Variants in NLGN1 observed in about 807,000 individuals in gnomAD.
The protein encoded by NLGN1 is neuroligin 1.
NLGN1 carries 12 observed loss-of-function variants against 65.5 expected under a neutral mutation model. That is an observed-to-expected ratio of 0.18 (90% CI 0.12 to 0.30). The LOEUF (loss-of-function observed/expected upper bound fraction) is 0.30. Among genes scored for constraint, NLGN1 ranks in the 10% least tolerant of loss-of-function variants. The pLI, the probability that NLGN1 is intolerant of heterozygous loss-of-function variation, is 1.00. For synonymous variants in NLGN1, 350 were observed against 359.5 expected (o/e 0.97, Z 0.30); for missense variants, 750 against 1,007.1 (o/e 0.74, Z 3.46).
intron 4 of NLGN1, among the ~76,000 whole-genome samples, chr3:174,268,207 A>G (rs1748650872): frequency 6.6e-6 from 1 of 152,132 alleles, no homozygotes; most frequent in Non-Finnish European, 1.5e-5. Flanking sequence ...TTGATTCAAA[A>G]GGCCTTTTAG....
Position 174,202,143 on chromosome 3 carries a change from G to A in NLGN1, c.647-73172G>A, listed in dbSNP as rs941392639. ...TCATCTTATCCCTCTCCGTTGAAAT[G>A]TGTTTTCTGTGCACAGTACTATGGT... On this transcript the variant is annotated intron_variant, in intron 4 of 6. Transcript: ENST00000457714. Among the ~76,000 whole-genome samples the A allele has an allele frequency of 9.2e-5, 14 of 151,962 alleles. No individual in the cohort carries two copies. In the East Asian group the frequency reaches 2.5e-3, roughly 27 times the overall value.
At chr3:173,657,202 G>T (rs2149674496) in intron 3 of NLGN1, among the ~76,000 whole-genome samples, 1 of 151,924 alleles carries the variant, frequency 6.6e-6, no homozygotes, top group South Asian at 2.1e-4. Context: ...TTAAATTCTG[G>T]GTCTCAGGGA....
At chr3:173,737,961 T>A in intron 3 of NLGN1, among the ~76,000 whole-genome samples, 1 of 152,128 alleles carries the variant, frequency 6.6e-6, no homozygotes, top group East Asian at 1.9e-4. Flanking sequence ...GAATGTGAAA[T>A]CATATCTCAT....
chr3:174,055,793 C>T (rs1735928443), intron 4 of NLGN1, among the ~76,000 whole-genome samples: 1 of 151,988 alleles, frequency 6.6e-6, no homozygotes, highest in Admixed American at 6.6e-5. Flanking sequence ...ATTACAAGCA[C>T]TCAATAATTG....
At chr3:173,853,196 G>A (rs908979151) in intron 4 of NLGN1, among the ~76,000 whole-genome samples, 1 of 152,158 alleles carries the variant, frequency 6.6e-6, no homozygotes, top group Non-Finnish European at 1.5e-5. Flanking sequence ...AGCACAGACA[G>A]GATAATGACA....
intron 4 of NLGN1, among the ~76,000 whole-genome samples, chr3:174,081,082 C>A (rs757126329): frequency 2.0e-5 from 3 of 151,978 alleles, no homozygotes; most frequent in Non-Finnish European, 2.9e-5. Flanking sequence ...ACTTAAAGAT[C>A]ATGTTCATCA....
intron 4 of NLGN1, among the ~76,000 whole-genome samples, chr3:174,210,400 A>G (rs542567213): frequency 6.6e-6 from 1 of 152,344 alleles, no homozygotes; most frequent in South Asian, 2.1e-4. Flanking sequence ...TATACAACAA[A>G]TATTTGTTGA....
intron 2 of NLGN1, among the ~76,000 whole-genome samples, chr3:173,539,592 TATATA>T (rs1347264718): frequency 2.2e-4 from 30 of 135,998 alleles, no homozygotes; most frequent in Middle Eastern, 4.0e-3. Flanking sequence ...TTATATATGT[TATATA>T]ATATATGTAT....
At chr3:173,492,350 A>T (rs925468144) in intron 2 of NLGN1, among the ~76,000 whole-genome samples, 1 of 151,742 alleles carries the variant, frequency 6.6e-6, no homozygotes, top group African/African-American at 2.4e-5. Context: ...TAAGCATTTC[A>T]TGTTTACCTT....
intron 2 of NLGN1, among the ~76,000 whole-genome samples, chr3:173,579,263 C>T (rs972697874): frequency 3.3e-5 from 5 of 152,130 alleles, no homozygotes; most frequent in East Asian, 1.9e-4. Context: ...TGCTTGGGCT[C>T]GGAAGTTCAA....
At chr3:173,465,940 A>G (rs1724269883) in intron 2 of NLGN1, among the ~76,000 whole-genome samples, 1 of 152,180 alleles carries the variant, frequency 6.6e-6, no homozygotes, top group Non-Finnish European at 1.5e-5. Context: ...TGAGTTGTTG[A>G]TACGGGAGCT....
intron 2 of NLGN1, among the ~76,000 whole-genome samples, chr3:173,460,074 A>C (rs553833875): frequency 6.6e-6 from 1 of 152,246 alleles, no homozygotes; most frequent in South Asian, 2.1e-4. Context: ...CATATTAATT[A>C]ACACATATTT....
intron 2 of NLGN1, among the ~76,000 whole-genome samples, chr3:173,561,412 C>T (rs1742707240): frequency 6.6e-6 from 1 of 152,108 alleles, no homozygotes; most frequent in African/African-American, 2.4e-5. Context: ...CTCGTAGCTT[C>T]CTAAATCCTA....
chr3:173,719,122 C>A (rs1770374206), intron 3 of NLGN1, among the ~76,000 whole-genome samples: 1 of 152,100 alleles, frequency 6.6e-6, no homozygotes, highest in Non-Finnish European at 1.5e-5. Flanking sequence ...CAGGCCCAGT[C>A]CCTTGCCACT....
intron 4 of NLGN1, among the ~76,000 whole-genome samples, chr3:173,851,726 G>C (rs1056538026): frequency 6.6e-6 from 1 of 151,998 alleles, no homozygotes. Context: ...TTAAAATTTT[G>C]ATCTAGTAAT....
chr3:173,463,127 T>C (rs1723686479), intron 2 of NLGN1, among the ~76,000 whole-genome samples: 1 of 152,192 alleles, frequency 6.6e-6, no homozygotes, highest in African/African-American at 2.4e-5. Context: ...GACTATGGGC[T>C]AGAGATCAGT....
chr3:173,924,310 G>C (rs1042286910), intron 4 of NLGN1, among the ~76,000 whole-genome samples: 16 of 151,980 alleles, frequency 1.1e-4, no homozygotes, highest in Admixed American at 1.1e-3. Flanking sequence ...ACCTGATAAA[G>C]GTCTCTCAAA....
At chr3:173,873,609 TTAG>T (rs1731590919) in intron 4 of NLGN1, among the ~76,000 whole-genome samples, 1 of 152,216 alleles carries the variant, frequency 6.6e-6, no homozygotes, top group Admixed American at 6.5e-5. Flanking sequence ...TTATTATTTT[TTAG>T]TAGTAGAAGA....
intron 4 of NLGN1, among the ~76,000 whole-genome samples, chr3:173,826,673 T>C (rs1236523311): frequency 1.3e-5 from 2 of 152,082 alleles, no homozygotes; most frequent in Non-Finnish European, 2.9e-5. Context: ...TAATTTATCA[T>C]AGGCTAGATA....
Sources: gnomAD v4.1 joint callset for allele counts (sites outside exome capture counted in the v4.1 genomes callset) on GRCh38, gnomAD v4.1.1 for gene constraint, MANE v1.5 for transcripts, NCBI Gene and HGNC (gene_info 2026-07-23, HGNC 2026-07-21) for gene names.